The following CALR3 variants were observed in gnomAD, a reference collection of about 807,000 sequenced individuals.
CALR3 encodes the protein calreticulin-3.
A neutral mutation model predicts 48.7 loss-of-function variants in CALR3; 39 were observed. The observed-to-expected ratio is 0.80, with a 90% CI of 0.62 to 1.05. The LOEUF is 1.05. Among genes scored for constraint, CALR3 ranks in the 50% least tolerant of loss-of-function variants. The pLI, the probability that CALR3 is intolerant of heterozygous loss-of-function variation, is 0.00. For synonymous variants in CALR3, 185 were observed against 172.7 expected (o/e 1.07, Z -0.56); for missense variants, 449 against 474.7 (o/e 0.95, Z 0.50).
intron 8 of CALR3, among the ~76,000 whole-genome samples, chr19:16,480,031 C>T (rs148297678): frequency 7.0e-4 from 106 of 151,012 alleles, no homozygotes; most frequent in African/African-American, 2.4e-3. Context: ...GGTGAAACCC[C>T]GTCTCTACTA....
chr19:16,491,666 A>G (rs550528111), intron 2 of CALR3, among the ~76,000 whole-genome samples: 167 of 149,656 alleles, frequency 1.1e-3, no homozygotes, highest in African/African-American at 3.9e-3. Context: ...AGTCCCAGCT[A>G]CTCAGGAGAG....
chr19:16,486,510 T>C (rs550695598), intron 3 of CALR3, among the ~76,000 whole-genome samples: 18 of 150,660 alleles, frequency 1.2e-4, no homozygotes, highest in East Asian at 9.8e-4. Context: ...ATCCCAGCTA[T>C]TGGGGAGGCT....
chr19:16,483,592 C>T (rs1171566948), intron 5 of CALR3, among the ~76,000 whole-genome samples: 1 of 151,018 alleles, frequency 6.6e-6, no homozygotes, highest in Non-Finnish European at 1.5e-5. Context: ...GTGGCGGGTG[C>T]CTGTAATCCC....
Position 16,482,577 on chromosome 19 carries a change from C to A in CALR3, c.791G>T (p.Gly264Val), listed in dbSNP as rs756195821. The stretch of plus-strand genomic sequence containing the variant: ...TTTATGAATACCTTCTGGTTTCAGG[C>A]CATCCTGTATCAAAAAAACCATATG... ...PMLQKPPYQD[G>V]LKPEGIHKDV... Residue 264 changes from glycine to valine, a missense_variant, in exon 7 of 9, where the codon GGC becomes GTC. Physicochemically the swap from Gly to Val is moderately radical, Grantham distance 109 (BLOSUM62 -3). Transcript: ENST00000269881. 25 of 1,614,204 alleles carry A rather than the reference C, an allele frequency of 1.5e-5. No homozygotes were observed. In the South Asian group the frequency reaches 2.2e-4, roughly 14 times the overall value.
At chr19:16,483,114 G>A (rs188478700) in intron 5 of CALR3, among the ~76,000 whole-genome samples, 7 of 152,230 alleles carry the variant, frequency 4.6e-5, no homozygotes, top group East Asian at 1.9e-4. Flanking sequence ...GGAAGTGCTG[G>A]TATTACAGGC....
chr19:16,483,465 C>T (rs1439851235), intron 5 of CALR3, among the ~76,000 whole-genome samples: 1 of 152,112 alleles, frequency 6.6e-6, no homozygotes, highest in Non-Finnish European at 1.5e-5. Context: ...CACCTGTAAT[C>T]CCAGCACTTT....
At position 16,479,194 on chromosome 19, in the gene CALR3, C is replaced by T. The variant is rs2093376267; in HGVS notation, c.1092G>A (p.Leu364=). 10 of 1,614,004 alleles carry T rather than the reference C, an allele frequency of 6.2e-6. No individual in the cohort carries two copies. Among genetic ancestry groups the T allele is most frequent in the Admixed American group, 1.7e-5 (1 of 59,982 alleles). The change falls in exon 9 of 9, where the codon CTG becomes CTA. Residue 364 remains leucine, a synonymous_variant. Transcript: ENST00000269881. ...KAREEEEEEL[L]SGKINRHEHY... is the part of the protein sequence containing the mutation. ...GTTCGTGCCTGTTAATTTTTCCCGA[C>T]AGCAGCTCTTCCTCCTCTTCCTCGC...
chr19:16,483,631 T>A (rs1022029235), intron 5 of CALR3: 2 of 292,348 alleles, frequency 6.8e-6, no homozygotes, highest in South Asian at 3.5e-5. Flanking sequence ...GGCAGGAGAA[T>A]CACTTGAACC....
chr19:16,495,653 A>T, intron 2 of CALR3, 98 bp downstream of exon 2: 1 of 886,320 alleles, frequency 1.1e-6, no homozygotes, highest in South Asian at 1.4e-5. Context: ...TCATCTGTAA[A>T]ACGGGAATAA....
In CALR3 at chr19:16,482,536, G is replaced by T; in HGVS notation, c.832C>A (p.Arg278Ser). Residue 278 changes from arginine to serine, a missense_variant, in exon 7 of 9, where the codon CGT becomes AGT. Physicochemically the swap from Arg to Ser is moderately radical, Grantham distance 110. Coordinates refer to ENST00000269881, the MANE Select transcript of CALR3 (RefSeq NM_145046.5). ...AAATAGTCGGTATTCTTCATCTTAC[G>T]GTGGAGCCAGACGTCTTTATGAATA... ...EGIHKDVWLH[R>S]KMKNTDYLTQ... The T allele has an allele frequency of 6.2e-7, 1 of 1,614,148 alleles. No individual in the cohort carries two copies.
chr19:16,492,979 A>G (rs2093400398), intron 2 of CALR3, among the ~76,000 whole-genome samples: 1 of 152,020 alleles, frequency 6.6e-6, no homozygotes, highest in South Asian at 2.1e-4. Flanking sequence ...TGTGGTGAGC[A>G]GAGATCACGC....
intron 4 of CALR3, among the ~76,000 whole-genome samples, chr19:16,484,459 G>A (rs1021889409): frequency 1.3e-5 from 2 of 151,974 alleles, no homozygotes; most frequent in African/African-American, 4.8e-5. Flanking sequence ...TTACAGGCAT[G>A]AGCCACCACG....
intron 8 of CALR3, among the ~76,000 whole-genome samples, chr19:16,480,175 C>T (rs889970991): frequency 4.2e-5 from 6 of 142,204 alleles, no homozygotes; most frequent in African/African-American, 1.6e-4. Flanking sequence ...GTACTTCAGC[C>T]TGGCGACAGA....
Position 16,482,704 on chromosome 19 carries a change from G to A in CALR3, c.760C>T (p.Pro254Ser), listed in dbSNP as rs891866967. The change falls in exon 6 of 9, where the codon CCG becomes TCG. Residue 254 changes from proline to serine, a missense_variant. By Grantham distance (74) the Pro-to-Ser change is moderately conservative (BLOSUM62 -1). Transcript: ENST00000269881. ...TGGTACGGGGGCTTCTGGAGCATCGGCGCTGGCCAGTCCCCATCCAGGTCA... is the reference window on the plus strand; with the variant it reads ...TGGTACGGGGGCTTCTGGAGCATCGACGCTGGCCAGTCCCCATCCAGGTCA... ...NGDLDGDWPAPMLQKPPYQDG... is the reference protein window; with the variant it reads ...NGDLDGDWPASMLQKPPYQDG... The A allele has an allele frequency of 6.2e-7, 1 of 1,613,940 alleles. No homozygotes were observed. The highest frequency in any genetic ancestry group is 1.3e-5 in the African/African-American group (1 of 74,918).
intron 2 of CALR3, among the ~76,000 whole-genome samples, chr19:16,495,526 T>C (rs1285941332): frequency 7.9e-6 from 1 of 125,864 alleles, no homozygotes; most frequent in African/African-American, 3.2e-5. Flanking sequence ...GCCACTGCAC[T>C]CCAGCCTGGG....
intron 8 of CALR3, among the ~76,000 whole-genome samples, chr19:16,480,190 G>C (rs1599716316): frequency 2.8e-5 from 3 of 105,332 alleles, no homozygotes; most frequent in African/African-American, 1.2e-4. Context: ...GACAGAGCGA[G>C]ACTCCGTCTC....
Position 16,484,090 on chromosome 19 carries a change from G to A in CALR3, c.518C>T (p.Thr173Ile), listed in dbSNP as rs2093384941. The change falls in exon 5 of 9, where the codon ACT becomes ATT. Residue 173 changes from threonine (T) to isoleucine (I), a missense_variant. Thr to Ile is a moderately conservative substitution (Grantham distance 89, BLOSUM62 -1). Transcript: ENST00000269881. ...AGAAAGATCTGGTCTTAAAATTAGA[G>A]TGTACAGGTGTGTGAAGCCATCAAC... Reference protein sequence around the residue: ...CKVDGFTHLYTLILRPDLSYD... With the variant: ...CKVDGFTHLYILILRPDLSYD... 1.9e-6 allele frequency: 3 copies of A among 1,613,736 alleles called. No individual in the cohort carries two copies. The African/African-American group carries it at 4.0e-5, about 22-fold the overall frequency.
At chr19:16,479,313 C>T (rs750385672) in intron 8 of CALR3, 39 bp from the exon 9 acceptor site, 31 of 1,611,646 alleles carry the variant, frequency 1.9e-5, no homozygotes, top group Middle Eastern at 1.7e-4. Context: ...CCACCGGGTG[C>T]GATGGCTCGT....
intron 7 of CALR3, among the ~76,000 whole-genome samples, chr19:16,481,572 G>A (rs2093380802): frequency 6.7e-6 from 1 of 150,044 alleles, no homozygotes; most frequent in Non-Finnish European, 1.5e-5. Context: ...TCCACTTCCT[G>A]GGTTCAAGTG....
Sources: allele counts gnomAD v4.1 joint callset (sites outside exome capture counted in the v4.1 genomes callset), GRCh38; gene constraint gnomAD v4.1.1; transcripts MANE v1.5; gene names NCBI Gene and HGNC (gene_info 2026-07-23, HGNC 2026-07-21).